The following SPOPL variants were observed in gnomAD, a reference collection of about 807,000 sequenced individuals.
The protein encoded by SPOPL is speckle type BTB/POZ protein like.
In SPOPL, 23 loss-of-function variants were observed where a neutral mutation model predicts 53.8. That is an observed-to-expected ratio of 0.43 (90% CI 0.31 to 0.61). The LOEUF (loss-of-function observed/expected upper bound fraction) is 0.61, where lower values mean the gene tolerates loss of function less well. Ranked by LOEUF, SPOPL falls within the 20% of genes least tolerant of loss-of-function variation. The pLI is 0.12. For missense variants in SPOPL, 442 were observed against 466.9 expected (o/e 0.95, Z 0.49); for synonymous variants, 164 against 149.7 (o/e 1.10, Z -0.70).
At chr2:138,532,587 C>T (rs541631129) in intron 1 of SPOPL, among the ~76,000 whole-genome samples, 25 of 145,274 alleles carry the variant, frequency 1.7e-4, no homozygotes, top group African/African-American at 5.7e-4. Flanking sequence ...CCACCACGCC[C>T]GGCTAATTTT....
intron 1 of SPOPL, among the ~76,000 whole-genome samples, chr2:138,504,711 A>G (rs1392779555): frequency 7.2e-5 from 11 of 152,296 alleles, no homozygotes; most frequent in African/African-American, 2.4e-4. Flanking sequence ...CTGTGCACCT[A>G]GAATAGTACT....
chr2:138,524,886 C>G (rs532186226), intron 1 of SPOPL, among the ~76,000 whole-genome samples: 69 of 152,342 alleles, frequency 4.5e-4, no homozygotes, highest in African/African-American at 8.2e-4. Flanking sequence ...GCCCTCCAGA[C>G]TGTTCCAGTC....
At chr2:138,557,358 T>A (rs536879132) in intron 5 of SPOPL, among the ~76,000 whole-genome samples, 1 of 152,336 alleles carries the variant, frequency 6.6e-6, no homozygotes, top group South Asian at 2.1e-4. Context: ...CAAAAGCGGT[T>A]AATAAAAATA....
chr2:138,520,667 A>G (rs534084188), intron 1 of SPOPL, among the ~76,000 whole-genome samples: 1 of 152,274 alleles, frequency 6.6e-6, no homozygotes, highest in East Asian at 1.9e-4. Flanking sequence ...AAATACTCAA[A>G]TGGGTCAATG....
intron 1 of SPOPL, among the ~76,000 whole-genome samples, chr2:138,513,882 A>AGGGAATATGGTACT (rs1431333939): frequency 6.6e-6 from 1 of 152,204 alleles, no homozygotes; most frequent in African/African-American, 2.4e-5. Flanking sequence ...TTTAGGGTAG[A>AGGGAATATGGTACT]GGGAATATGG....
Position 138,570,710 on chromosome 2 carries a change from A to T in SPOPL, c.*1630A>T, listed in dbSNP as rs550437105. On this transcript the variant is annotated 3_prime_UTR_variant, in exon 11 of 11. Coordinates refer to ENST00000280098, the MANE Select transcript of SPOPL (RefSeq NM_001001664.3). ...TTAATGTTTGAATTCAGGACAAAAG[A>T]AAAAATGAAGCTTGAGGTGTTTTCA... is the stretch of plus-strand genomic sequence containing the variant. The T allele has an allele frequency of 6.6e-6, 1 of 152,304 alleles. No individual in the cohort carries two copies. The highest frequency in any genetic ancestry group is 1.9e-4 in the East Asian group (1 of 5,190). 9.4% of individuals were successfully genotyped at this position (152,304 alleles called of 1,614,324 possible).
At chr2:138,513,285 GGCCCAC>G (rs1245093331) in intron 1 of SPOPL, among the ~76,000 whole-genome samples, 8 of 152,210 alleles carry the variant, frequency 5.3e-5, no homozygotes, top group Non-Finnish European at 1.2e-4. Context: ...CGGGCATAGT[GGCCCAC>G]GCCGGTAATC....
chr2:138,540,364 C>A (rs1411797724), intron 1 of SPOPL, among the ~76,000 whole-genome samples: 2 of 152,178 alleles, frequency 1.3e-5, no homozygotes, highest in African/African-American at 2.4e-5. Context: ...GATACTGATT[C>A]TTCCTACCCA....
chr2:138,529,533 T>TGCGCGC (rs751943538), intron 1 of SPOPL, among the ~76,000 whole-genome samples: 22 of 89,242 alleles, frequency 2.5e-4, no homozygotes, highest in African/African-American at 5.5e-4. Flanking sequence ...TGTGTGTGTG[T>TGCGCGC]GTTTGCGTGC....
At position 138,568,943 on chromosome 2, in the gene SPOPL, A is replaced by G. The variant is rs1317792472; in HGVS notation, c.1042A>G (p.Thr348Ala). ...TTTAATTCTATTTTTCAGCCAAGCA[A>G]CCGACATAATGGAAACATCAGGGTG... Reference protein sequence around the residue: ...DGKNWNSNQATDIMETSGWKS... With the variant: ...DGKNWNSNQAADIMETSGWKS... The change falls in exon 11 of 11, where the codon ACC becomes GCC. Residue 348 changes from threonine (T) to alanine (A), a missense_variant. By Grantham distance (58) the Thr-to-Ala change is moderately conservative. Coordinates refer to ENST00000280098, the MANE Select transcript of SPOPL (RefSeq NM_001001664.3). 14 of 1,613,562 alleles carry G rather than the reference A, an allele frequency of 8.7e-6. No homozygotes were observed. The highest frequency in any genetic ancestry group is 4.5e-5 in the East Asian group (2 of 44,894).
chr2:138,564,833 C>T lies in SPOPL; in HGVS notation c.963C>T (p.Ala321=). The T allele has an allele frequency of 6.2e-7, 1 of 1,614,184 alleles. No homozygotes were observed. The highest frequency in any genetic ancestry group is 8.5e-7 in the Non-Finnish European group (1 of 1,180,018). Residue 321 remains alanine, a synonymous_variant, in exon 9 of 11, where the codon GCC becomes GCT. Coordinates refer to ENST00000280098, the MANE Select transcript of SPOPL (RefSeq NM_001001664.3). ...GTGCAGAACAGTTGAAAGCACAAGC[C>T]ATAGACTTTATTAATAGGTAAGCTA... The part of the protein sequence containing the change: ...LHSAEQLKAQ[A]IDFINRCSVL...
Position 138,551,063 on chromosome 2 carries a change from T to A in SPOPL, c.352+9T>A. 4 of 1,612,146 alleles carry A rather than the reference T, an allele frequency of 2.5e-6. No homozygotes were observed. The highest frequency in any genetic ancestry group is 3.4e-6 in the Non-Finnish European group (4 of 1,179,062). Reference sequence around the variant, plus strand: ...AGAAACAAAAGCAATGGGTAAGTGATTTGCAAACTAAGTGAAGACATTTCT... The same window carrying A: ...AGAAACAAAAGCAATGGGTAAGTGAATTGCAAACTAAGTGAAGACATTTCT... On this transcript the variant is annotated intron_variant, in intron 4 of 10. Transcript: ENST00000280098.
intron 1 of SPOPL, among the ~76,000 whole-genome samples, chr2:138,547,584 C>T (rs1685224507): frequency 6.6e-6 from 1 of 151,938 alleles, no homozygotes; most frequent in African/African-American, 2.4e-5. Context: ...TTCTGTAGTC[C>T]ATATGAGTTT....
Position 138,532,593 on chromosome 2 carries a change from ATTTTTTTTT to A in SPOPL, c.-60-17550_-60-17542del, listed in dbSNP as rs71301784. 2.1e-3 allele frequency among the ~76,000 whole-genome samples: 236 copies of A among 111,840 alleles called. 1 individual carries two copies. The Middle Eastern group carries it at 0.026, about 12-fold the overall frequency. 73.4% of individuals were successfully genotyped at this position (111,840 alleles called of 152,430 possible). The stretch of plus-strand genomic sequence containing the variant: ...AGGCGCCTACCACCACGCCCGGCTA[ATTTTTTTTT>A]TTTTTTTTTTTTTGTATTTTTAGTA... On this transcript the variant is annotated intron_variant, in intron 1 of 10. Transcript: ENST00000280098.
At chr2:138,507,665 G>A (rs183545408) in intron 1 of SPOPL, among the ~76,000 whole-genome samples, 263 of 152,334 alleles carry the variant, frequency 1.7e-3, no homozygotes, top group African/African-American at 6.1e-3. Context: ...TAGAGTACAC[G>A]GGTAGTAGGT....
chr2:138,559,382 A>G (rs1462301533), intron 7 of SPOPL, 45 bp downstream of exon 7: 3 of 1,539,788 alleles, frequency 1.9e-6, no homozygotes, highest in African/African-American at 1.4e-5. Context: ...ATAAACGTAA[A>G]GTAGTTGGGT....
intron 1 of SPOPL, among the ~76,000 whole-genome samples, chr2:138,540,672 A>G (rs1405745248): frequency 1.3e-5 from 2 of 152,202 alleles, no homozygotes; most frequent in Non-Finnish European, 2.9e-5. Flanking sequence ...TAGATATACA[A>G]TCATGTCATC....
At chr2:138,568,380 A>G (rs934902314) in intron 10 of SPOPL, among the ~76,000 whole-genome samples, 1 of 152,024 alleles carries the variant, frequency 6.6e-6, no homozygotes, top group Non-Finnish European at 1.5e-5. Context: ...GGTTGGGGAG[A>G]GGGATGATGA....
intron 1 of SPOPL, among the ~76,000 whole-genome samples, chr2:138,546,837 G>A (rs1034031908): frequency 6.6e-6 from 1 of 152,210 alleles, no homozygotes; most frequent in Non-Finnish European, 1.5e-5. Flanking sequence ...CTTGTAAAGT[G>A]CTCACACATA....
Sources: gnomAD v4.1 joint callset for allele counts (sites outside exome capture counted in the v4.1 genomes callset) on GRCh38, gnomAD v4.1.1 for gene constraint, MANE v1.5 for transcripts, NCBI Gene and HGNC (gene_info 2026-07-23, HGNC 2026-07-21) for gene names.